The following LSAMP variants were observed in gnomAD, a reference collection of about 807,000 sequenced individuals.
The protein encoded by LSAMP is limbic system-associated membrane protein.
Under a neutral mutation model 38.6 loss-of-function variants are expected in LSAMP, and 7 were observed. The ratio of observed to expected loss-of-function variants is 0.18; its 90% CI spans 0.10 to 0.34. The LOEUF is 0.34. Among genes scored for constraint, LSAMP ranks in the 10% least tolerant of loss-of-function variants. The probability of loss-of-function intolerance (pLI) is 1.00; values close to 1 mark genes in which losing one functional copy is unlikely to be tolerated. For missense variants in LSAMP, 313 were observed against 420.0 expected (o/e 0.75, Z 2.23); for synonymous variants, 154 against 166.8 (o/e 0.92, Z 0.59).
rs140493375 is a variant in LSAMP, at chr3:116,309,123, T to C, written c.155+135754A>G. On this transcript the variant is annotated intron_variant, in intron 1 of 6. Transcript: ENST00000490035. ...TGGGAATGTGATTCACATTAATATT[T>C]AAATATACAAACTATTCTTTGTTCT... Among the ~76,000 whole-genome samples, 96 of 152,242 alleles carry C rather than the reference T, an allele frequency of 6.3e-4. 1 individual carries two copies. In the East Asian group the frequency reaches 0.014, roughly 22 times the overall value.
chr3:115,846,227 T>C (rs1053539177), intron 4 of LSAMP, among the ~76,000 whole-genome samples: 4 of 152,194 alleles, frequency 2.6e-5, no homozygotes, highest in African/African-American at 9.7e-5. Context: ...TCCATTGTTA[T>C]TCTTTATGTG....
chr3:116,350,111 T>C (rs1024278163), intron 1 of LSAMP, among the ~76,000 whole-genome samples: 15 of 152,022 alleles, frequency 9.9e-5, no homozygotes, highest in African/African-American at 3.4e-4. Flanking sequence ...TTAAGAGGAT[T>C]AGAGCTAATA....
At chr3:116,007,663 A>AAC (rs71616337) in intron 3 of LSAMP, among the ~76,000 whole-genome samples, 56,285 of 150,788 alleles carry the variant, frequency 0.37, 10,425 homozygotes, top group Admixed American at 0.4. Context: ...TATTTTTATA[A>AAC]ACACACACAC....
At chr3:115,927,298 A>T (rs992097238) in intron 3 of LSAMP, among the ~76,000 whole-genome samples, 1 of 152,222 alleles carries the variant, frequency 6.6e-6, no homozygotes, top group Non-Finnish European at 1.5e-5. Context: ...CTAGAGAGCA[A>T]TGGAGTGAAA....
intron 1 of LSAMP, among the ~76,000 whole-genome samples, chr3:116,256,641 TCTGATC>T (rs147953903): frequency 0.018 from 2,717 of 152,298 alleles, 76 homozygotes; most frequent in African/African-American, 0.061. Flanking sequence ...GCTCAAAATA[TCTGATC>T]CTCTCTAAAT....
chr3:116,419,486 A>G (rs768345598), intron 1 of LSAMP, among the ~76,000 whole-genome samples: 11 of 152,162 alleles, frequency 7.2e-5, no homozygotes, highest in Non-Finnish European at 1.5e-4. Context: ...TTTTTTAGAA[A>G]ATGAGTGCTC....
chr3:116,303,489 T>C (rs2047442260), intron 1 of LSAMP, among the ~76,000 whole-genome samples: 1 of 152,192 alleles, frequency 6.6e-6, no homozygotes, highest in Non-Finnish European at 1.5e-5. Flanking sequence ...TGGATTGAAA[T>C]TCAGTGTCTA....
At chr3:115,979,352 T>G (rs922665922) in intron 3 of LSAMP, among the ~76,000 whole-genome samples, 5 of 152,104 alleles carry the variant, frequency 3.3e-5, no homozygotes, top group African/African-American at 1.2e-4. Context: ...CTAGTTTATA[T>G]GGAAGGACGT....
intron 1 of LSAMP, among the ~76,000 whole-genome samples, chr3:116,299,148 A>G (rs188875525): frequency 1.7e-4 from 26 of 152,336 alleles, no homozygotes; most frequent in African/African-American, 6.3e-4. Context: ...ATGTCCCTAG[A>G]CAATGACCAC....
At chr3:116,430,582 C>A (rs1342103494) in intron 1 of LSAMP, among the ~76,000 whole-genome samples, 1 of 151,960 alleles carries the variant, frequency 6.6e-6, no homozygotes, top group Non-Finnish European at 1.5e-5. Context: ...TTGACATTTA[C>A]AAAATAAATA....
intron 1 of LSAMP, among the ~76,000 whole-genome samples, chr3:116,310,140 AT>A (rs1199243978): frequency 6.6e-6 from 1 of 152,068 alleles, no homozygotes; most frequent in Non-Finnish European, 1.5e-5. Context: ...AACCCTTCTG[AT>A]AAGGAAGGAA....
chr3:116,110,991 C>A (rs540217664), intron 1 of LSAMP, among the ~76,000 whole-genome samples: 1 of 143,062 alleles, frequency 7.0e-6, no homozygotes, highest in Non-Finnish European at 1.5e-5. Flanking sequence ...TGGGCAGGGG[C>A]GGGGGGTCAC....
At chr3:116,158,086 CAG>C (rs1709797946) in intron 1 of LSAMP, among the ~76,000 whole-genome samples, 1 of 151,968 alleles carries the variant, frequency 6.6e-6, no homozygotes, top group Non-Finnish European at 1.5e-5. Flanking sequence ...GTCATAAAAA[CAG>C]AACGAAAACA....
intron 3 of LSAMP, among the ~76,000 whole-genome samples, chr3:115,853,109 T>A (rs1459205481): frequency 1.3e-5 from 2 of 152,240 alleles, no homozygotes; most frequent in Non-Finnish European, 2.9e-5. Flanking sequence ...CAACATCATC[T>A]ATTACACCAT....
chr3:115,924,436 AAT>A (rs1313768277), intron 3 of LSAMP, among the ~76,000 whole-genome samples: 1 of 152,208 alleles, frequency 6.6e-6, no homozygotes, highest in Non-Finnish European at 1.5e-5. Flanking sequence ...GAAAACAGTG[AAT>A]ACATAGGGTC....
intron 3 of LSAMP, among the ~76,000 whole-genome samples, chr3:116,013,041 C>A (rs933804232): frequency 5.3e-5 from 8 of 152,144 alleles, no homozygotes; most frequent in African/African-American, 1.7e-4. Flanking sequence ...ATTGCCTCTC[C>A]CCACCCAAGG....
At chr3:115,879,708 G>C (rs891834850) in intron 3 of LSAMP, among the ~76,000 whole-genome samples, 3 of 152,082 alleles carry the variant, frequency 2.0e-5, no homozygotes, top group African/African-American at 7.2e-5. Flanking sequence ...TGGCTAATTG[G>C]CTAAGCCAAT....
intron 1 of LSAMP, among the ~76,000 whole-genome samples, chr3:116,182,457 C>G (rs1239868275): frequency 2.0e-5 from 3 of 151,452 alleles, no homozygotes; most frequent in Non-Finnish European, 4.4e-5. Flanking sequence ...AGAGCCTAAT[C>G]TAGAAGTCTG....
intron 1 of LSAMP, among the ~76,000 whole-genome samples, chr3:116,123,490 T>A (rs1258335081): frequency 6.6e-6 from 1 of 152,246 alleles, no homozygotes; most frequent in Non-Finnish European, 1.5e-5. Context: ...AACATGATGA[T>A]GTAGAAGGAA....
Sources: gnomAD v4.1 joint callset for allele counts (sites outside exome capture counted in the v4.1 genomes callset) on GRCh38, gnomAD v4.1.1 for gene constraint, MANE v1.5 for transcripts, NCBI Gene and HGNC (gene_info 2026-07-23, HGNC 2026-07-21) for gene names.